Variants in POGK observed in about 807,000 individuals in gnomAD.
The protein encoded by POGK is pogo transposable element derived with KRAB domain.
In POGK, 16 loss-of-function variants were observed where a neutral mutation model predicts 54.4. The ratio of observed to expected loss-of-function variants is 0.29; its 90% CI spans 0.20 to 0.45. The LOEUF is 0.45. Ranked by LOEUF, POGK falls within the 20% of genes least tolerant of loss-of-function variation. The probability of loss-of-function intolerance (pLI) is 1.00; values close to 1 mark genes in which losing one functional copy is unlikely to be tolerated. For synonymous variants in POGK, 271 were observed against 302.2 expected (o/e 0.90, Z 1.07); for missense variants, 515 against 795.6 (o/e 0.65, Z 4.24).
chr1:166,841,008 G>A lies in POGK; in HGVS notation c.52G>A (p.Glu18Lys). Residue 18 changes from glutamate to lysine, a missense_variant, in exon 2 of 6, where the codon GAA becomes AAA. By Grantham distance (56) the Glu-to-Lys change is moderately conservative. This residue lies in a region of POGK where 54 missense variants were observed against 52.0 expected (regional missense o/e 1.04). Coordinates refer to ENST00000367876, the MANE Select transcript of POGK (RefSeq NM_017542.5). ...TTTGAGCCTGAAAGAAGAGGAAGAG[G>A]AAGAAGAGATTCAGAGCCGGGAACT... ...LNLSLKEEEE[E>K]EEIQSRELED... 1.2e-6 allele frequency: 2 copies of A among 1,614,078 alleles called. No individual in the cohort carries two copies. Among genetic ancestry groups the A allele is most frequent in the Middle Eastern group, 1.6e-4 (1 of 6,062 alleles).
chr1:166,840,814 G>A (rs1657470174), intron 1 of POGK, 141 bp from the exon 2 acceptor site: 1 of 1,038,762 alleles, frequency 9.6e-7, no homozygotes, highest in East Asian at 2.4e-5. Context: ...CTTCCTGGCC[G>A]ACTCTTGTTT....
rs998847942 is a variant in POGK, at chr1:166,854,654, G to A, written c.*2084G>A. On this transcript the variant is annotated 3_prime_UTR_variant, in exon 6 of 6. Coordinates refer to ENST00000367876, the MANE Select transcript of POGK (RefSeq NM_017542.5). ...TGTGAAGACACAGGGAAGAACGTGT[G>A]CAGTGGGGCAAGTTTGACATAAATA... The A allele has an allele frequency of 6.6e-6, 1 of 152,198 alleles. No homozygotes were observed. Among genetic ancestry groups the A allele is most frequent in the African/African-American group, 2.4e-5 (1 of 41,456 alleles). 9.4% of individuals were successfully genotyped at this position (152,198 alleles called of 1,614,324 possible).
chr1:166,854,489 ATTTC>A lies in POGK; in HGVS notation c.*1923_*1926del, dbSNP rs3076026. ...AAAGACAATAGGCTATGGTGATTTT[ATTTC>A]TTTACCTATTAGCATTGTGAAAAGT... is the stretch of plus-strand genomic sequence containing the variant. On this transcript the variant is annotated 3_prime_UTR_variant, in exon 6 of 6. Coordinates refer to ENST00000367876, the MANE Select transcript of POGK (RefSeq NM_017542.5). The A allele has an allele frequency of 0.36, 55,142 of 151,854 alleles. 10,073 individuals carry two copies. The highest frequency in any genetic ancestry group is 0.5 in the Middle Eastern group (147 of 294). 9.4% of individuals were successfully genotyped at this position (151,854 alleles called of 1,614,324 possible). A position where few individuals can be genotyped will look rare whatever the true frequency, so the allele number is the denominator to read the frequency against.
chr1:166,841,122 C>A, intron 2 of POGK, 34 bp downstream of exon 2: 1 of 1,608,924 alleles, frequency 6.2e-7, no homozygotes, highest in South Asian at 1.1e-5. Context: ...ACACAGCCAG[C>A]AGATGCAGGC....
chr1:166,850,298 C>T lies in POGK; in HGVS notation c.1719C>T (p.Ser573=). ...IVQGFKKCHI[S]SNLEEEDDVL... is the part of the protein sequence containing the mutation. ...AAGGGTTCAAGAAGTGCCATATCTC[C>T]AGCAACTTGGAGGAGGAAGACGATG... The change falls in exon 5 of 6, where the codon TCC becomes TCT. Residue 573 remains serine, a synonymous_variant. Coordinates refer to ENST00000367876, the MANE Select transcript of POGK (RefSeq NM_017542.5). 6.2e-7 allele frequency: 1 copy of T among 1,602,230 alleles called. No individual in the cohort carries two copies. The highest frequency in any genetic ancestry group is 8.5e-7 in the Non-Finnish European group (1 of 1,173,468).
chr1:166,849,017 C>T lies in POGK; in HGVS notation c.438C>T (p.His146=), dbSNP rs1175747830. ...CCTCCCAGTTTCCTCAGCCTCAGCA[C>T]TTTGACAGCTTTGGCCTCCGTCTGC... ...NATSQFPQPQ[H]FDSFGLRLPR... The change falls in exon 5 of 6, where the codon CAC becomes CAT. Residue 146 remains histidine, a synonymous_variant. Coordinates refer to ENST00000367876, the MANE Select transcript of POGK (RefSeq NM_017542.5). The T allele has an allele frequency of 1.2e-6, 2 of 1,614,204 alleles. No homozygotes were observed. Among genetic ancestry groups the T allele is most frequent in the East Asian group, 2.2e-5 (1 of 44,866 alleles).
Position 166,856,228 on chromosome 1 carries a change from A to C in POGK, c.*3658A>C, listed in dbSNP as rs1248260349. 6.6e-6 allele frequency: 1 copy of C among 151,872 alleles called. No individual in the cohort carries two copies. The highest frequency in any genetic ancestry group is 1.5e-5 in the Non-Finnish European group (1 of 67,966). The allele number at this position is 151,872 out of a possible 1,614,324, so 9.4% of individuals were successfully genotyped here. A position where few individuals can be genotyped will look rare whatever the true frequency, so the allele number is the denominator to read the frequency against. ...TGTGAATCTGTAGTCCCAGCTACTT[A>C]GGAGGTTGCGATGGGAGAATCACCT... On this transcript the variant is annotated 3_prime_UTR_variant, in exon 6 of 6. Transcript: ENST00000367876.
In POGK at chr1:166,855,842, TC is replaced by T. The variant is rs1323768522; in HGVS notation, c.*3275del. 6.6e-6 allele frequency: 1 copy of T among 152,010 alleles called. No homozygotes were observed. Among genetic ancestry groups the T allele is most frequent in the African/African-American group, 2.4e-5 (1 of 41,336 alleles). The allele number at this position is 152,010 out of a possible 1,614,324, so 9.4% of individuals were successfully genotyped here. On this transcript the variant is annotated 3_prime_UTR_variant, in exon 6 of 6. Transcript: ENST00000367876. ...TGGAACTATGAAATTTCACACATAT[TC>T]CCTAGGCAGCATTAAGGCCCAGGTA...
At chr1:166,848,896 A>C in intron 4 of POGK, 42 bp from the exon 5 acceptor site, 1 of 1,542,138 alleles carries the variant, frequency 6.5e-7, no homozygotes, top group African/African-American at 1.4e-5. Flanking sequence ...AAGCCATTTT[A>C]CTTACTGGCA....
intron 2 of POGK, among the ~76,000 whole-genome samples, chr1:166,844,150 A>T (rs765895000): frequency 6.6e-6 from 1 of 152,170 alleles, no homozygotes; most frequent in Non-Finnish European, 1.5e-5. Flanking sequence ...CTCAGTCATT[A>T]ATAGGAAGAG....
chr1:166,846,169 G>A (rs1205148914), intron 2 of POGK, among the ~76,000 whole-genome samples: 3 of 152,108 alleles, frequency 2.0e-5, no homozygotes, highest in East Asian at 3.9e-4. Flanking sequence ...CACCCCGCCC[G>A]GGGCCGAGGG....
intron 2 of POGK, among the ~76,000 whole-genome samples, chr1:166,843,645 A>G (rs1657703103): frequency 6.6e-6 from 1 of 152,200 alleles, no homozygotes; most frequent in African/African-American, 2.4e-5. Flanking sequence ...GTGGATCAGT[A>G]CAAACTACCC....
rs1022194727 is a variant in POGK at position 166,855,708 on chromosome 1, C to G, written c.*3138C>G. Reference sequence around the variant, plus strand: ...GTCCTAGAGAGTAGTGAGAAGTTTTCCAGTTTGCAGTTTCCTCTGTGCTGT... The same window carrying G: ...GTCCTAGAGAGTAGTGAGAAGTTTTGCAGTTTGCAGTTTCCTCTGTGCTGT... On this transcript the variant is annotated 3_prime_UTR_variant, in exon 6 of 6. Transcript: ENST00000367876. The G allele has an allele frequency of 6.6e-6, 1 of 152,244 alleles. No individual in the cohort carries two copies. The highest frequency in any genetic ancestry group is 2.4e-5 in the African/African-American group (1 of 41,450). 9.4% of individuals were successfully genotyped at this position (152,244 alleles called of 1,614,324 possible).
rs970832293 is a variant in POGK at position 166,855,079 on chromosome 1, G to C, written c.*2509G>C. ...AAAGGAAAAGTGTTTGTCCTTGGTTGATCAGAGAAGTGGGTGATAAGAACG... is the reference window on the plus strand; with the variant it reads ...AAAGGAAAAGTGTTTGTCCTTGGTTCATCAGAGAAGTGGGTGATAAGAACG... On this transcript the variant is annotated 3_prime_UTR_variant, in exon 6 of 6. Coordinates refer to ENST00000367876, the MANE Select transcript of POGK (RefSeq NM_017542.5). 3.3e-5 allele frequency: 5 copies of C among 150,962 alleles called. No homozygotes were observed. Among genetic ancestry groups the C allele is most frequent in the Middle Eastern group, 3.4e-3 (1 of 294 alleles). 9.4% of individuals were successfully genotyped at this position (150,962 alleles called of 1,614,324 possible).
chr1:166,843,286 C>A (rs1346111870), intron 2 of POGK, among the ~76,000 whole-genome samples: 2 of 152,162 alleles, frequency 1.3e-5, no homozygotes, highest in Non-Finnish European at 2.9e-5. Flanking sequence ...GTATAGGAGG[C>A]CAGGCCAGGG....
rs1013530096 is a variant in POGK, at chr1:166,844,042, C to T, written c.133-2570C>T. On this transcript the variant is annotated intron_variant, in intron 2 of 5. Coordinates refer to ENST00000367876, the MANE Select transcript of POGK (RefSeq NM_017542.5). ...GCGCAGCAGGGCCTGGCTGAAGGATCGCTCCATTCTCACAGAGGCTTGCTG... is the reference window on the plus strand; with the variant it reads ...GCGCAGCAGGGCCTGGCTGAAGGATTGCTCCATTCTCACAGAGGCTTGCTG... Among the ~76,000 whole-genome samples, 8 of 152,200 alleles carry T rather than the reference C, an allele frequency of 5.3e-5. No homozygotes were observed. The East Asian group carries it at 5.8e-4, about 11-fold the overall frequency.
rs1263914828 is a variant in POGK, at chr1:166,856,335, A to AAAAG, written c.*3769_*3772dup. On this transcript the variant is annotated 3_prime_UTR_variant, in exon 6 of 6. Coordinates refer to ENST00000367876, the MANE Select transcript of POGK (RefSeq NM_017542.5). ...GGTGACAGAGTGAGACCCTATCTCA[A>AAAAG]AAAGAAAAGAAAAAAAAAAAAAAAG... 1 of 131,018 alleles carries AAAAG rather than the reference A, an allele frequency of 7.6e-6. No homozygotes were observed. Among genetic ancestry groups the AAAAG allele is most frequent in the Non-Finnish European group, 1.7e-5 (1 of 59,448 alleles). 8.1% of individuals were successfully genotyped at this position (131,018 alleles called of 1,614,324 possible).
At chr1:166,846,146 T>C (rs1283271282) in intron 2 of POGK, among the ~76,000 whole-genome samples, 1 of 152,142 alleles carries the variant, frequency 6.6e-6, no homozygotes, top group Non-Finnish European at 1.5e-5. Flanking sequence ...TATTCAGATT[T>C]ACAAACCCAA....
intron 1 of POGK, chr1:166,840,501 C>G (rs1313445665): frequency 6.5e-6 from 1 of 154,166 alleles, no homozygotes; most frequent in Admixed American, 6.4e-5. Flanking sequence ...CTTCTAGCAC[C>G]CATTCCAGTT....
Sources: gnomAD v4.1 joint callset for allele counts (sites outside exome capture counted in the v4.1 genomes callset) on GRCh38, gnomAD v4.1.1 for gene constraint, gnomAD v4.1.1 regional missense constraint, MANE v1.5 for transcripts, NCBI Gene and HGNC (gene_info 2026-07-23, HGNC 2026-07-21) for gene names.